The following TCL1A variants were observed in gnomAD, a reference collection of about 807,000 sequenced individuals.
TCL1A encodes T-cell leukemia/lymphoma protein 1A.
Under a neutral mutation model 16.9 loss-of-function variants are expected in TCL1A, and 9 were observed. That is an observed-to-expected ratio of 0.53 (90% CI 0.32 to 0.93). The LOEUF is 0.93. TCL1A is among the 40% of genes least tolerant of loss of function. TCL1A has a pLI of 0.04. For synonymous variants in TCL1A, 69 were observed against 63.2 expected, an observed-to-expected ratio of 1.09 and a Z score of -0.44; for missense variants, 139 against 153.0, an observed-to-expected ratio of 0.91 and a Z score of 0.48.
intron 2 of TCL1A, 145 bp from the exon 3 acceptor site, chr14:95,711,947 C>A: frequency 9.4e-7 from 1 of 1,065,368 alleles, no homozygotes; most frequent in Admixed American, 2.3e-5. Context: ...GACTGCCCCT[C>A]CTCCCACCAG....
At chr14:95,713,588 G>A (rs1220203695) in intron 1 of TCL1A, among the ~76,000 whole-genome samples, 1 of 152,044 alleles carries the variant, frequency 6.6e-6, no homozygotes, top group Admixed American at 6.6e-5. Flanking sequence ...CAGATTTCTG[G>A]GACCCACCTG....
chr14:95,711,844 C>A (rs991912295), intron 2 of TCL1A, 42 bp from the exon 3 acceptor site: 17 of 1,596,094 alleles, frequency 1.1e-5, no homozygotes, highest in Non-Finnish European at 1.4e-5. Flanking sequence ...TCGGCCAGAG[C>A]CCTCCACTCC....
At chr14:95,711,543 C>T (rs1010617246) in intron 3 of TCL1A, 9 of 566,846 alleles carry the variant, frequency 1.6e-5, no homozygotes, top group African/African-American at 5.7e-5. Flanking sequence ...TGAGCAGCTG[C>T]GATAAAGGGG....
At chr14:95,712,832 T>G in intron 1 of TCL1A, 1 of 500,694 alleles carries the variant, frequency 2.0e-6, no homozygotes, top group Non-Finnish European at 3.3e-6. Context: ...TACTGGCCTT[T>G]TCAATGATGT....
chr14:95,713,779 T>A (rs550235417), intron 1 of TCL1A, among the ~76,000 whole-genome samples, 168 bp downstream of exon 1: 1 of 152,320 alleles, frequency 6.6e-6, no homozygotes, highest in Non-Finnish European at 1.5e-5. Flanking sequence ...CTTCCCTGCC[T>A]GGAGAACTCC....
At chr14:95,711,428 C>CACT (rs1039022320) in intron 3 of TCL1A, 34 of 215,684 alleles carry the variant, frequency 1.6e-4, no homozygotes, top group Middle Eastern at 3.0e-3. Context: ...GAGATTGCAC[C>CACT]ACTACACTCT....
At chr14:95,712,861 C>T (rs1235937466) in intron 1 of TCL1A, 1 of 376,926 alleles carries the variant, frequency 2.7e-6, no homozygotes, top group African/African-American at 2.1e-5. Context: ...ATCTGTCCCA[C>T]AGTTTGCTAG....
chr14:95,712,774 T>G (rs1886397013), intron 1 of TCL1A: 2 of 883,848 alleles, frequency 2.3e-6, no homozygotes, highest in African/African-American at 3.6e-5. Context: ...AGACCCTGTA[T>G]CTACAGGAAA....
intron 3 of TCL1A, chr14:95,711,315 A>G (rs1453214149): frequency 6.5e-6 from 1 of 153,822 alleles, no homozygotes; most frequent in African/African-American, 2.4e-5. Context: ...AAAAAAAAAA[A>G]AAAATTAGCC....
At chr14:95,713,091 C>A (rs1886411231) in intron 1 of TCL1A, among the ~76,000 whole-genome samples, 1 of 152,098 alleles carries the variant, frequency 6.6e-6, no homozygotes, top group Admixed American at 6.5e-5. Flanking sequence ...AATAAAAATG[C>A]AGATTTTGTG....
At chr14:95,713,835 A>G (rs1886477133) in intron 1 of TCL1A, 112 bp downstream of exon 1, 2 of 1,494,224 alleles carry the variant, frequency 1.3e-6, no homozygotes, top group Admixed American at 2.0e-5. Flanking sequence ...ATCTGTGGGG[A>G]TCCTCCCTGC....
rs915699978 is a variant in TCL1A, at chr14:95,710,390, G to C, written c.*498C>G. 7 of 157,460 alleles carry C rather than the reference G, an allele frequency of 4.4e-5. No homozygotes were observed. The highest frequency in any genetic ancestry group is 1.7e-4 in the African/African-American group (7 of 41,662). The allele number at this position is 157,460 out of a possible 1,614,324, so 9.8% of individuals were successfully genotyped here. A position where few individuals can be genotyped will look rare whatever the true frequency, so the allele number is the denominator to read the frequency against. ...GTTTACGGGCAGGCAGCGTTTGCAG[G>C]CGTGTTTACCGGCAGGCAGCGTTTG... On this transcript the variant is annotated 3_prime_UTR_variant, in exon 4 of 4. Transcript: ENST00000402399.
chr14:95,711,487 G>T, intron 3 of TCL1A: 1 of 398,332 alleles, frequency 2.5e-6, no homozygotes, highest in Non-Finnish European at 4.5e-6. Context: ...AAAAAGCAAT[G>T]GTAAATGAAA....
In TCL1A at chr14:95,712,372, C is replaced by G; in HGVS notation, c.145G>C (p.Val49Leu). The G allele has an allele frequency of 1.2e-6, 2 of 1,612,436 alleles. No homozygotes were observed. The highest frequency in any genetic ancestry group is 1.7e-6 in the Non-Finnish European group (2 of 1,178,758). The change falls in exon 2 of 4, where the codon GTG becomes CTG. Residue 49 changes from valine to leucine, a missense_variant. This residue lies in a region of TCL1A where 94 missense variants were observed against 80.2 expected (regional missense o/e 1.17). Transcript: ENST00000402399. ...ACGACGTCTTCCCGACGCAAGAGCACCCGTAACTGTAACCTATCCTTTATC... is the reference window on the plus strand; with the variant it reads ...ACGACGTCTTCCCGACGCAAGAGCAGCCGTAACTGTAACCTATCCTTTATC... ...IEIKDRLQLRVLLRREDVVLG... is the reference protein window; with the variant it reads ...IEIKDRLQLRLLLRREDVVLG...
chr14:95,713,804 A>T (rs556658801), intron 1 of TCL1A, 143 bp downstream of exon 1: 1 of 1,316,102 alleles, frequency 7.6e-7, no homozygotes, highest in African/African-American at 1.5e-5. Context: ...CATCCTCCAG[A>T]GCCCGGCTCA....
chr14:95,712,327 G>C lies in TCL1A; in HGVS notation c.190C>G (p.Pro64Ala). 1 of 1,614,130 alleles carries C rather than the reference G, an allele frequency of 6.2e-7. No homozygotes were observed. Among genetic ancestry groups the C allele is most frequent in the Non-Finnish European group, 8.5e-7 (1 of 1,180,012 alleles). Reference sequence around the variant, plus strand: ...AGCAGGCTTGGGCCTATCTGGGTGGGGGTCATAGGCCTCCCCAGGACGACG... The same window carrying C: ...AGCAGGCTTGGGCCTATCTGGGTGGCGGTCATAGGCCTCCCCAGGACGACG... ...EDVVLGRPMTPTQIGPSLLPI... is the reference protein window; with the variant it reads ...EDVVLGRPMTATQIGPSLLPI... The change falls in exon 2 of 4, where the codon CCC (proline) becomes GCC (alanine). Residue 64 changes from proline to alanine, a missense_variant. Around this residue, in one of 2 missense-constraint regions of TCL1A, gnomAD observed 45 missense variants for 72.8 expected, o/e 0.62. Coordinates refer to ENST00000402399, the MANE Select transcript of TCL1A (RefSeq NM_021966.3).
intron 1 of TCL1A, among the ~76,000 whole-genome samples, chr14:95,713,677 A>G: frequency 6.6e-6 from 1 of 152,354 alleles, no homozygotes; most frequent in Non-Finnish European, 1.5e-5. Flanking sequence ...CGAAGCCCAG[A>G]AAATGCCTGC....
chr14:95,711,633 C>G, intron 3 of TCL1A, 116 bp downstream of exon 3: 1 of 1,226,132 alleles, frequency 8.2e-7, no homozygotes, highest in South Asian at 1.4e-5. Context: ...TCCCTAGGGA[C>G]CCTCAGATGG....
At chr14:95,713,879 C>A in intron 1 of TCL1A, 68 bp downstream of exon 1, 1 of 1,595,652 alleles carries the variant, frequency 6.3e-7, no homozygotes, top group East Asian at 2.2e-5. Flanking sequence ...CCTCGCCCTT[C>A]CTAGGGCATC....
Sources: allele counts gnomAD v4.1 joint callset (sites outside exome capture counted in the v4.1 genomes callset), GRCh38; gene constraint gnomAD v4.1.1; regional missense constraint gnomAD v4.1.1; transcripts MANE v1.5; gene names NCBI Gene and HGNC (gene_info 2026-07-23, HGNC 2026-07-21).